Variants in LRRC4C observed in about 807,000 individuals in gnomAD.
LRRC4C encodes leucine rich repeat containing 4C.
A neutral mutation model predicts 33.6 loss-of-function variants in LRRC4C; 5 were observed. The ratio of observed to expected loss-of-function variants is 0.15; its 90% CI spans 0.08 to 0.31. The LOEUF is 0.31. LRRC4C is among the 10% of genes least tolerant of loss of function. The pLI, the probability that LRRC4C is intolerant of heterozygous loss-of-function variation, is 1.00. For missense variants in LRRC4C, 560 were observed against 796.7 expected (o/e 0.70, Z 3.58); for synonymous variants, 329 against 302.0 (o/e 1.09, Z -0.93).
At chr11:40,362,455 C>G (rs1336623606) in intron 3 of LRRC4C, among the ~76,000 whole-genome samples, 1 of 152,100 alleles carries the variant, frequency 6.6e-6, no homozygotes, top group Non-Finnish European at 1.5e-5. Context: ...TGCAGTGGCT[C>G]ACATCTGTAA....
At chr11:41,300,421 A>AT (rs5791432) in intron 1 of LRRC4C, among the ~76,000 whole-genome samples, 19,355 of 151,890 alleles carry the variant, frequency 0.13, 1,366 homozygotes, top group Middle Eastern at 0.24. Context: ...AACTAAGGGG[A>AT]TTTTTTTCCT....
intron 3 of LRRC4C, among the ~76,000 whole-genome samples, chr11:40,374,906 C>T (rs1475353497): frequency 6.6e-6 from 1 of 152,080 alleles, no homozygotes; most frequent in Non-Finnish European, 1.5e-5. Context: ...GTGAGAAAAC[C>T]TGAAGTACAA....
intron 3 of LRRC4C, among the ~76,000 whole-genome samples, chr11:40,574,451 C>T (rs1205255059): frequency 6.6e-6 from 1 of 152,136 alleles, no homozygotes; most frequent in East Asian, 1.9e-4. Flanking sequence ...TAGGCGATAT[C>T]AGGAACAAAC....
chr11:41,435,073 G>A (rs975792910), intron 1 of LRRC4C, among the ~76,000 whole-genome samples: 1 of 152,142 alleles, frequency 6.6e-6, no homozygotes, highest in African/African-American at 2.4e-5. Context: ...GAAAGACTGA[G>A]TGAGAATTAA....
At chr11:40,645,615 C>G (rs1177406458) in intron 3 of LRRC4C, among the ~76,000 whole-genome samples, 1 of 152,064 alleles carries the variant, frequency 6.6e-6, no homozygotes, top group South Asian at 2.1e-4. Flanking sequence ...AAAACCTAAT[C>G]GCACTCTTTC....
intron 4 of LRRC4C, among the ~76,000 whole-genome samples, chr11:40,291,384 C>G (rs7944467): frequency 0.056 from 8,522 of 152,278 alleles, 313 homozygotes; most frequent in Non-Finnish European, 0.064. Context: ...TAAGTTACCA[C>G]AGGACACTAG....
At chr11:40,447,893 TG>T (rs1590767759) in intron 3 of LRRC4C, among the ~76,000 whole-genome samples, 3 of 152,314 alleles carry the variant, frequency 2.0e-5, no homozygotes. Flanking sequence ...CTTGGCTCAC[TG>T]CAACATCTGC....
intron 2 of LRRC4C, among the ~76,000 whole-genome samples, chr11:40,887,567 T>C (rs1955522894): frequency 6.6e-6 from 1 of 152,094 alleles, no homozygotes; most frequent in Admixed American, 6.6e-5. Context: ...AACTTAGTTT[T>C]GTTAAAAACA....
intron 1 of LRRC4C, among the ~76,000 whole-genome samples, chr11:40,960,494 G>A (rs886707513): frequency 2.0e-5 from 3 of 151,684 alleles, no homozygotes; most frequent in Admixed American, 6.6e-5. Flanking sequence ...CTGTGGGAAA[G>A]CCCATGGGTT....
chr11:41,318,693 G>A (rs1029210510), intron 1 of LRRC4C, among the ~76,000 whole-genome samples: 49 of 152,136 alleles, frequency 3.2e-4, no homozygotes, highest in African/African-American at 1.1e-3. Flanking sequence ...TTTGTAATAA[G>A]CTCTTTCCTA....
intron 1 of LRRC4C, among the ~76,000 whole-genome samples, chr11:41,416,169 A>C (rs1954672302): frequency 1.3e-5 from 2 of 152,038 alleles, no homozygotes; most frequent in Non-Finnish European, 2.9e-5. Context: ...GTACTCTATA[A>C]TACAGAATCT....
intron 1 of LRRC4C, among the ~76,000 whole-genome samples, chr11:41,013,152 G>T (rs1478239716): frequency 1.3e-5 from 2 of 152,162 alleles, no homozygotes; most frequent in African/African-American, 4.8e-5. Context: ...ACGTAAGATT[G>T]CCCAGTGAAA....
intron 3 of LRRC4C, among the ~76,000 whole-genome samples, chr11:40,630,794 G>T (rs1299717293): frequency 3.3e-5 from 5 of 152,040 alleles, no homozygotes; most frequent in Non-Finnish European, 7.4e-5. Context: ...AATGACCAAG[G>T]CATTAGTAAT....
chr11:40,990,165 C>CTACA (rs1853411209), intron 1 of LRRC4C, among the ~76,000 whole-genome samples: 1 of 144,244 alleles, frequency 6.9e-6, no homozygotes, highest in African/African-American at 2.6e-5. Flanking sequence ...TTTTACAGTA[C>CTACA]TACAACTGGA....
chr11:41,143,964 C>T (rs1943623193), intron 1 of LRRC4C, among the ~76,000 whole-genome samples: 1 of 152,118 alleles, frequency 6.6e-6, no homozygotes, highest in South Asian at 2.1e-4. Context: ...GTTTTGAGTT[C>T]AAAGAGTGTA....
chr11:41,262,437 G>T (rs1032379459), intron 1 of LRRC4C, among the ~76,000 whole-genome samples: 6 of 150,850 alleles, frequency 4.0e-5, no homozygotes, highest in East Asian at 2.0e-4. Context: ...AAATAGTGAT[G>T]TCAAATACGT....
At chr11:40,757,746 A>C (rs1196509458) in intron 2 of LRRC4C, among the ~76,000 whole-genome samples, 1 of 151,952 alleles carries the variant, frequency 6.6e-6, no homozygotes, top group Admixed American at 6.6e-5. Flanking sequence ...AAGGGATGCT[A>C]AACATCTTGC....
intron 1 of LRRC4C, among the ~76,000 whole-genome samples, chr11:41,114,634 A>T (rs1283803761): frequency 6.6e-6 from 1 of 152,092 alleles, no homozygotes; most frequent in Non-Finnish European, 1.5e-5. Flanking sequence ...TTTTAAAAAT[A>T]AGTACAATCA....
chr11:40,281,971 G>A (rs1943506818), intron 4 of LRRC4C, among the ~76,000 whole-genome samples: 1 of 152,156 alleles, frequency 6.6e-6, no homozygotes, highest in South Asian at 2.1e-4. Flanking sequence ...CAAAATTGAT[G>A]AGCTAAAGCA....
Sources: allele counts gnomAD v4.1 joint callset (sites outside exome capture counted in the v4.1 genomes callset), GRCh38; gene constraint gnomAD v4.1.1; transcripts MANE v1.5; gene names NCBI Gene and HGNC (gene_info 2026-07-23, HGNC 2026-07-21).